The following C1orf52 variants were observed in gnomAD, a reference collection of about 807,000 sequenced individuals.
C1orf52 encodes the protein UPF0690 protein C1orf52.
A neutral mutation model predicts 17.2 loss-of-function variants in C1orf52; 5 were observed. The observed-to-expected ratio is 0.29, with a 90% CI of 0.15 to 0.61. The LOEUF (loss-of-function observed/expected upper bound fraction) is 0.61, where lower values mean the gene tolerates loss of function less well. Among genes scored for constraint, C1orf52 ranks in the 20% least tolerant of loss-of-function variants. The pLI is 0.85. For synonymous variants in C1orf52, 110 were observed against 88.0 expected (o/e 1.25, Z -1.40); for missense variants, 245 against 234.1 (o/e 1.05, Z -0.30).
intron 2 of C1orf52, among the ~76,000 whole-genome samples, chr1:85,253,234 T>C (rs1287941818): frequency 1.3e-5 from 2 of 152,222 alleles, no homozygotes; most frequent in African/African-American, 4.8e-5. Context: ...ATTTACATTG[T>C]ATATATTAAA....
rs1233815568 is a variant in C1orf52 at position 85,250,233 on chromosome 1, G to A, written c.*2396C>T. The stretch of plus-strand genomic sequence containing the variant: ...GGAATTACAATTCAAGTGAGATTTG[G>A]TTGGGGACACAGCCAAACCAGATCA... On this transcript the variant is annotated 3_prime_UTR_variant, in exon 3 of 3. Coordinates refer to ENST00000471115, the MANE Select transcript of C1orf52 (RefSeq NM_198077.4). 1 of 152,184 alleles carries A rather than the reference G, an allele frequency of 6.6e-6. No individual in the cohort carries two copies. Among genetic ancestry groups the A allele is most frequent in the African/African-American group, 2.4e-5 (1 of 41,436 alleles). 9.4% of individuals were successfully genotyped at this position (152,184 alleles called of 1,614,324 possible).
intron 2 of C1orf52, among the ~76,000 whole-genome samples, chr1:85,253,740 T>C (rs937118548): frequency 6.6e-6 from 1 of 150,588 alleles, no homozygotes; most frequent in African/African-American, 2.4e-5. Flanking sequence ...GTGAACTCTT[T>C]TATTGTATTT....
At position 85,258,740 on chromosome 1, in the gene C1orf52, TAAG is replaced by T; in HGVS notation, c.277-21_277-19del. Reference sequence around the variant, plus strand: ...TTTGGAGGCTGTTAAGCAAGCACATTAAGAAGCACTGTGACGAACCGAGGTTCC... The same window carrying T: ...TTTGGAGGCTGTTAAGCAAGCACATTAAGCACTGTGACGAACCGAGGTTCC... On this transcript the variant is annotated intron_variant, in intron 1 of 2. Coordinates refer to ENST00000471115, the MANE Select transcript of C1orf52 (RefSeq NM_198077.4). 6.3e-7 allele frequency: 1 copy of T among 1,586,000 alleles called. No homozygotes were observed. Among genetic ancestry groups the T allele is most frequent in the Non-Finnish European group, 8.5e-7 (1 of 1,170,032 alleles).
At chr1:85,255,690 T>G (rs1659920102) in intron 2 of C1orf52, among the ~76,000 whole-genome samples, 1 of 151,500 alleles carries the variant, frequency 6.6e-6, no homozygotes. Context: ...GGAAGCAAAA[T>G]AAAAAAGTCA....
At chr1:85,256,506 A>G (rs983004237) in intron 2 of C1orf52, among the ~76,000 whole-genome samples, 4 of 152,254 alleles carry the variant, frequency 2.6e-5, no homozygotes, top group African/African-American at 9.6e-5. Flanking sequence ...TTTACTAATT[A>G]TGAAAAGGAA....
At position 85,252,535 on chromosome 1, in the gene C1orf52, GGAGA is replaced by G. The variant is rs531703593; in HGVS notation, c.*90_*93del. The G allele has an allele frequency of 2.2e-4, 213 of 953,304 alleles. No individual in the cohort carries two copies. In the African/African-American group the frequency reaches 2.9e-3, roughly 13 times the overall value. 59.1% of individuals were successfully genotyped at this position (953,304 alleles called of 1,614,324 possible). A position where few individuals can be genotyped will look rare whatever the true frequency, so the allele number is the denominator to read the frequency against. On this transcript the variant is annotated 3_prime_UTR_variant, in exon 3 of 3. Coordinates refer to ENST00000471115, the MANE Select transcript of C1orf52 (RefSeq NM_198077.4). ...AGTTCATTAACGTATGCATTTTCAT[GGAGA>G]TGTGGCATAATAACCCACAATATCA...
intron 2 of C1orf52, among the ~76,000 whole-genome samples, chr1:85,253,324 T>A (rs1481554192): frequency 1.3e-5 from 2 of 152,206 alleles, no homozygotes; most frequent in Non-Finnish European, 2.9e-5. Context: ...GATGACATTA[T>A]TTAAGTGGCT....
At chr1:85,256,814 A>AAAAAAAAAAAAAAAAAAAG (rs1553178011) in intron 2 of C1orf52, among the ~76,000 whole-genome samples, 1 of 108,180 alleles carries the variant, frequency 9.2e-6, no homozygotes, top group Non-Finnish European at 1.8e-5. Context: ...AAAAAAAAAA[A>AAAAAAAAAAAAAAAAAAAG]AAAAGAAAAG....
At chr1:85,257,430 G>T (rs538605250) in intron 2 of C1orf52, 4 of 716,872 alleles carry the variant, frequency 5.6e-6, no homozygotes, top group Non-Finnish European at 1.0e-5. Context: ...TGAAAGGCAG[G>T]GAACCATACA....
chr1:85,251,062 T>C lies in C1orf52; in HGVS notation c.*1567A>G, dbSNP rs1348449462. 6.6e-6 allele frequency: 1 copy of C among 152,244 alleles called. No individual in the cohort carries two copies. Among genetic ancestry groups the C allele is most frequent in the African/African-American group, 2.4e-5 (1 of 41,466 alleles). 9.4% of individuals were successfully genotyped at this position (152,244 alleles called of 1,614,324 possible). A position where few individuals can be genotyped will look rare whatever the true frequency, so the allele number is the denominator to read the frequency against. Reference sequence around the variant, plus strand: ...TGGACCTTCATTCCACAAAGCACCATGGCTGATGCAATCACTCTTAATGAC... The same window carrying C: ...TGGACCTTCATTCCACAAAGCACCACGGCTGATGCAATCACTCTTAATGAC... On this transcript the variant is annotated 3_prime_UTR_variant, in exon 3 of 3. Coordinates refer to ENST00000471115, the MANE Select transcript of C1orf52 (RefSeq NM_198077.4).
At chr1:85,259,104 C>G (rs896954560) in intron 1 of C1orf52, 2 of 1,358,016 alleles carry the variant, frequency 1.5e-6, no homozygotes, top group African/African-American at 2.9e-5. Flanking sequence ...TTAGTCCTCG[C>G]CGCGCGGGGT....
At position 85,251,140 on chromosome 1, in the gene C1orf52, G is replaced by A. The variant is rs80089187; in HGVS notation, c.*1489C>T. 3 of 151,920 alleles carry A rather than the reference G, an allele frequency of 2.0e-5. No homozygotes were observed. Among genetic ancestry groups the A allele is most frequent in the South Asian group, 2.1e-4 (1 of 4,820 alleles). The allele number at this position is 151,920 out of a possible 1,614,324, so 9.4% of individuals were successfully genotyped here. A position where few individuals can be genotyped will look rare whatever the true frequency, so the allele number is the denominator to read the frequency against. On this transcript the variant is annotated 3_prime_UTR_variant, in exon 3 of 3. Coordinates refer to ENST00000471115, the MANE Select transcript of C1orf52 (RefSeq NM_198077.4). ...ACATGCCTAGGTAAACAAATCTCGC[G>A]TAATTGTTCAAATTTTATCTTCCAC...
At position 85,259,652 on chromosome 1, in the gene C1orf52, C is replaced by G. The variant is rs779314402; in HGVS notation, c.-19G>C. The stretch of plus-strand genomic sequence containing the variant: ...CTGCCATGACGGCTGCGAGCGACAA[C>G]CCAGCACTCCGCCGGAAGCCGGAAA... On this transcript the variant is annotated 5_prime_UTR_variant, in exon 1 of 3. Coordinates refer to ENST00000471115, the MANE Select transcript of C1orf52 (RefSeq NM_198077.4). The G allele has an allele frequency of 4.6e-6, 7 of 1,510,962 alleles. No homozygotes were observed. In the East Asian group the frequency reaches 1.7e-4, roughly 38 times the overall value. 93.6% of individuals were successfully genotyped at this position (1,510,962 alleles called of 1,614,324 possible).
At chr1:85,256,794 G>GC (rs1346323927) in intron 2 of C1orf52, among the ~76,000 whole-genome samples, 1 of 19,798 alleles carries the variant, frequency 5.1e-5, no homozygotes, top group African/African-American at 2.4e-4. Flanking sequence ...CCGAGACTCC[G>GC]CCTCAAAAAA....
At chr1:85,256,748 G>C (rs1324816488) in intron 2 of C1orf52, among the ~76,000 whole-genome samples, 1 of 144,238 alleles carries the variant, frequency 6.9e-6, no homozygotes, top group East Asian at 2.0e-4. Flanking sequence ...GCAGTGAGCC[G>C]AGATGGCGCC....
At chr1:85,258,145 AAAG>A (rs955209910) in intron 2 of C1orf52, among the ~76,000 whole-genome samples, 1 of 152,014 alleles carries the variant, frequency 6.6e-6, no homozygotes, top group African/African-American at 2.4e-5. Flanking sequence ...AAAAAAAGAA[AAAG>A]AAGAAAAAAA....
At chr1:85,258,750 T>G (rs745715701) in intron 1 of C1orf52, 28 bp from the exon 2 acceptor site, 6 of 1,567,836 alleles carry the variant, frequency 3.8e-6, no homozygotes, top group Non-Finnish European at 5.2e-6. Flanking sequence ...TAAGAAGCAC[T>G]GTGACGAACC....
At chr1:85,259,296 G>A (rs879235173) in intron 1 of C1orf52, 62 bp downstream of exon 1, 13 of 1,557,996 alleles carry the variant, frequency 8.3e-6, no homozygotes, top group Middle Eastern at 3.7e-4. Flanking sequence ...CCCAGCAGGG[G>A]GCTCAGGAGA....
In C1orf52 at chr1:85,252,605, T is replaced by C. The variant is rs1315877633; in HGVS notation, c.*24A>G. 1 of 1,597,348 alleles carries C rather than the reference T, an allele frequency of 6.3e-7. No homozygotes were observed. The highest frequency in any genetic ancestry group is 8.6e-7 in the Non-Finnish European group (1 of 1,165,302). On this transcript the variant is annotated 3_prime_UTR_variant, in exon 3 of 3. Coordinates refer to ENST00000471115, the MANE Select transcript of C1orf52 (RefSeq NM_198077.4). ...AGAAACATTTCAACAAGTTTAGCAG[T>C]ACAGAAATTCTGGTCATTTGTTTCT...
Sources: allele counts gnomAD v4.1 joint callset (sites outside exome capture counted in the v4.1 genomes callset), GRCh38; gene constraint gnomAD v4.1.1; transcripts MANE v1.5; gene names NCBI Gene and HGNC (gene_info 2026-07-23, HGNC 2026-07-21).